Variants in USB1 observed in about 807,000 individuals in gnomAD.
USB1 encodes U6 snRNA biogenesis phosphodiesterase 1.
A neutral mutation model predicts 29.9 loss-of-function variants in USB1; 21 were observed. The observed-to-expected ratio is 0.70, with a 90% CI of 0.50 to 1.01. The LOEUF (loss-of-function observed/expected upper bound fraction) is 1.01, where lower values mean the gene tolerates loss of function less well. Ranked by LOEUF, USB1 falls within the 50% of genes least tolerant of loss-of-function variation. The probability of loss-of-function intolerance (pLI) is 0.00; values close to 1 mark genes in which losing one functional copy is unlikely to be tolerated. For missense variants in USB1, 330 were observed against 347.1 expected (o/e 0.95, Z 0.39); for synonymous variants, 143 against 134.9 (o/e 1.06, Z -0.42).
chr16:58,011,226 T>C (rs1348773677), intron 3 of USB1: 3 of 1,486,322 alleles, frequency 2.0e-6, no homozygotes, highest in Non-Finnish European at 2.7e-6. Context: ...CCAACACATA[T>C]GTTATCATTT....
At chr16:58,011,322 C>T in intron 3 of USB1, 1 of 1,402,256 alleles carries the variant, frequency 7.1e-7, no homozygotes. Flanking sequence ...CATGGGTGCC[C>T]TCAGCACACC....
upstream of USB1, chr16:58,001,275 C>T (rs1963176800): frequency 1.5e-6 from 1 of 648,938 alleles, no homozygotes; most frequent in East Asian, 2.7e-5. Context: ...CTGCAGGTGA[C>T]CAGATCCGCG....
chr16:58,012,352 A>C, intron 3 of USB1: 1 of 1,532,132 alleles, frequency 6.5e-7, no homozygotes. Context: ...AGCCCAACCC[A>C]AAGTGGCTTA....
intron 3 of USB1, 64 bp downstream of exon 3, chr16:58,010,176 G>C: frequency 6.3e-7 from 1 of 1,596,628 alleles, no homozygotes; most frequent in Non-Finnish European, 8.6e-7. Context: ...CCTCTCCTGA[G>C]CTACTGCGGG....
chr16:58,014,187 C>G, intron 3 of USB1, 86 bp from the exon 4 acceptor site: 1 of 1,099,452 alleles, frequency 9.1e-7, no homozygotes, highest in Non-Finnish European at 1.4e-6. Context: ...ACTATATTTT[C>G]AAAGTGCTGT....
chr16:58,010,792 G>A (rs570640974), intron 3 of USB1: 162 of 565,690 alleles, frequency 2.9e-4, no homozygotes, highest in Middle Eastern at 4.7e-4. Context: ...GGGAGCTTCT[G>A]ACCCTGTGGA....
At chr16:58,002,708 C>T in intron 2 of USB1, 63 bp downstream of exon 2, 10 of 1,606,090 alleles carry the variant, frequency 6.2e-6, no homozygotes, top group Non-Finnish European at 8.5e-6. Flanking sequence ...TCATGAAGGG[C>T]AGAATCTGGC....
intron 3 of USB1, chr16:58,012,782 C>T (rs566032187): frequency 4.0e-5 from 40 of 1,007,802 alleles, no homozygotes; most frequent in Middle Eastern, 5.0e-4. Flanking sequence ...ACTGCACTTG[C>T]GCTAGGAAGA....
Position 58,020,340 on chromosome 16 carries a change from A to G in USB1, c.*95A>G, listed in dbSNP as rs1963707928. 4 of 1,201,644 alleles carry G rather than the reference A, an allele frequency of 3.3e-6. No individual in the cohort carries two copies. Among genetic ancestry groups the G allele is most frequent in the Non-Finnish European group, 4.9e-6 (4 of 824,264 alleles). The allele number at this position is 1,201,644 out of a possible 1,614,324, so 74.4% of individuals were successfully genotyped here. A position where few individuals can be genotyped will look rare whatever the true frequency, so the allele number is the denominator to read the frequency against. On this transcript the variant is annotated 3_prime_UTR_variant, in exon 7 of 7. Transcript: ENST00000219281. ...ATGGAGATGCTTCTAGCCTCCCAGT[A>G]GGAGGCCCCAGCCATGCCTTCAACC... is the stretch of plus-strand genomic sequence containing the variant.
At chr16:58,001,789 C>T (rs573614787) in intron 1 of USB1, among the ~76,000 whole-genome samples, 1 of 150,634 alleles carries the variant, frequency 6.6e-6, no homozygotes, top group African/African-American at 2.4e-5. Context: ...TGGCTAGGGC[C>T]AAGTTGGGAG....
Position 58,001,436 on chromosome 16 carries a change from G to T in USB1, c.-48G>T. ...CCGGCACAGCGGAACTCCGGGTGCC[G>T]GTTGAGGTTGCTGGTGGACCTGCTC... On this transcript the variant is annotated 5_prime_UTR_variant, in exon 1 of 7. Transcript: ENST00000219281. 6.4e-7 allele frequency: 1 copy of T among 1,559,960 alleles called. No homozygotes were observed. Among genetic ancestry groups the T allele is most frequent in the African/African-American group, 1.4e-5 (1 of 73,556 alleles).
intron 3 of USB1, chr16:58,011,769 C>G (rs1433003192): frequency 6.1e-6 from 6 of 987,350 alleles, no homozygotes; most frequent in Non-Finnish European, 7.2e-6. Flanking sequence ...TTCCTGGAGC[C>G]CACATTCCTC....
chr16:58,000,690 GGGGGCCAGGGAGGC>G (rs1963159675), upstream of USB1, among the ~76,000 whole-genome samples: 1 of 150,082 alleles, frequency 6.7e-6, no homozygotes, highest in Non-Finnish European at 1.5e-5. The surrounding 1 kb of genome is among the most constrained non-coding windows in gnomAD (Gnocchi z 4.5). Flanking sequence ...CGGGCGGCGC[GGGGGCCAGGGAGGC>G]GGGGCCGGGG....
rs541600489 is a variant in USB1, at chr16:58,019,639, G to A, written c.694-502G>A. Among the ~76,000 whole-genome samples, 259 of 77,456 alleles carry A rather than the reference G, an allele frequency of 3.3e-3. 3 individuals carry two copies. The highest frequency in any genetic ancestry group is 3.4e-3 in the South Asian group (8 of 2,364). 50.8% of individuals were successfully genotyped at this position (77,456 alleles called of 152,430 possible). On this transcript the variant is annotated intron_variant, in intron 6 of 6. Coordinates refer to ENST00000219281, the MANE Select transcript of USB1 (RefSeq NM_024598.4). ...GAGACAGTAGGGAGTGTGGCCATGC[G>A]GGAAGATTGGCCTAGAGTTGCCAGC...
chr16:58,011,047 G>C (rs547631764), intron 3 of USB1: 2 of 748,566 alleles, frequency 2.7e-6, no homozygotes, highest in African/African-American at 3.4e-5. Flanking sequence ...TGCCTCATTG[G>C]AACCAAAGAT....
At chr16:58,007,958 G>A (rs896259153) in intron 2 of USB1, among the ~76,000 whole-genome samples, 1 of 152,034 alleles carries the variant, frequency 6.6e-6, no homozygotes, top group Non-Finnish European at 1.5e-5. Flanking sequence ...ACTCCATCCT[G>A]GGCAAAAGAG....
chr16:58,019,624 G>T (rs754016116), intron 6 of USB1, among the ~76,000 whole-genome samples: 1 of 124,526 alleles, frequency 8.0e-6, no homozygotes, highest in Admixed American at 7.7e-5. Flanking sequence ...GAGACAGTAG[G>T]GAGTGTGGCC....
intron 4 of USB1, 199 bp from the exon 5 acceptor site, chr16:58,017,135 C>A: frequency 1.6e-6 from 1 of 614,182 alleles, no homozygotes; most frequent in Admixed American, 2.5e-5. Flanking sequence ...TGGGTGAGAA[C>A]TGGGAAAGGA....
chr16:58,011,063 T>C, intron 3 of USB1: 1 of 809,694 alleles, frequency 1.2e-6, no homozygotes, highest in Non-Finnish European at 2.1e-6. Context: ...AAGATGCCCC[T>C]GTCACCCAGG....
Sources: gnomAD v4.1 joint callset for allele counts (sites outside exome capture counted in the v4.1 genomes callset) on GRCh38, gnomAD v4.1.1 for gene constraint, Gnocchi (gnomAD v3.1) non-coding constraint, MANE v1.5 for transcripts, NCBI Gene and HGNC (gene_info 2026-07-23, HGNC 2026-07-21) for gene names.